Variants in EBF2 observed in about 807,000 individuals in gnomAD.
EBF2 encodes the protein transcription factor COE2.
In EBF2, 21 loss-of-function variants were observed where a neutral mutation model predicts 72.8. The ratio of observed to expected loss-of-function variants is 0.29; its 90% CI spans 0.20 to 0.42. EBF2 has a LOEUF of 0.42. Among genes scored for constraint, EBF2 ranks in the 10% least tolerant of loss-of-function variants. The pLI is 1.00. For missense variants in EBF2, 637 were observed against 731.2 expected (o/e 0.87, Z 1.49); for synonymous variants, 299 against 274.2 (o/e 1.09, Z -0.89).
At chr8:25,896,277 C>A (rs1459169156) in intron 7 of EBF2, among the ~76,000 whole-genome samples, 10 of 152,196 alleles carry the variant, frequency 6.6e-5, no homozygotes, top group Non-Finnish European at 1.0e-4. Flanking sequence ...CAAGTTCTAC[C>A]ATTAGTCAGA....
At chr8:25,909,432 C>T (rs979630158) in intron 6 of EBF2, among the ~76,000 whole-genome samples, 3 of 150,190 alleles carry the variant, frequency 2.0e-5, no homozygotes, top group Non-Finnish European at 4.4e-5. Context: ...CCAGCTTTTG[C>T]AGTGTTAAAG....
chr8:25,935,244 G>A (rs1803556908), intron 6 of EBF2, among the ~76,000 whole-genome samples: 2 of 151,824 alleles, frequency 1.3e-5, no homozygotes, highest in African/African-American at 4.8e-5. Context: ...AGGATGGAGA[G>A]GGAGGTGGGA....
At chr8:26,014,392 T>C (rs1175494333) in intron 6 of EBF2, among the ~76,000 whole-genome samples, 1 of 152,146 alleles carries the variant, frequency 6.6e-6, no homozygotes, top group Non-Finnish European at 1.5e-5. Flanking sequence ...ATTATTTTGG[T>C]GGAGACTTTT....
At chr8:25,877,104 G>A (rs919642772) in intron 10 of EBF2, among the ~76,000 whole-genome samples, 1 of 152,130 alleles carries the variant, frequency 6.6e-6, no homozygotes, top group Non-Finnish European at 1.5e-5. Context: ...TGGATTCTGT[G>A]GTTGGTGCAG....
chr8:25,921,545 A>T (rs1803305917), intron 6 of EBF2, among the ~76,000 whole-genome samples: 2 of 152,226 alleles, frequency 1.3e-5, no homozygotes, highest in Non-Finnish European at 1.5e-5. Flanking sequence ...TTTGTCATTC[A>T]AACTTTATTG....
chr8:26,007,495 T>C (rs1274428828), intron 6 of EBF2, among the ~76,000 whole-genome samples: 1 of 152,134 alleles, frequency 6.6e-6, no homozygotes, highest in Non-Finnish European at 1.5e-5. Context: ...CCAGGGTCCA[T>C]ATGTAAAACA....
intron 6 of EBF2, among the ~76,000 whole-genome samples, chr8:25,952,292 T>C (rs1354878006): frequency 2.0e-5 from 3 of 152,228 alleles, no homozygotes; most frequent in Non-Finnish European, 4.4e-5. Context: ...AAGACTCTAG[T>C]ATGTTCACAT....
intron 6 of EBF2, among the ~76,000 whole-genome samples, chr8:25,954,461 C>T (rs1803912239): frequency 6.6e-6 from 1 of 152,172 alleles, no homozygotes; most frequent in Admixed American, 6.5e-5. Flanking sequence ...AGCACAGGTC[C>T]AAAGAGAAAG....
chr8:26,026,325 A>C (rs1033109412), intron 6 of EBF2, among the ~76,000 whole-genome samples: 1 of 152,214 alleles, frequency 6.6e-6, no homozygotes, highest in African/African-American at 2.4e-5. Flanking sequence ...GGGATGAATT[A>C]GCATACCTGA....
At chr8:25,952,589 C>T (rs1803881119) in intron 6 of EBF2, among the ~76,000 whole-genome samples, 1 of 152,230 alleles carries the variant, frequency 6.6e-6, no homozygotes, top group South Asian at 2.1e-4. Flanking sequence ...CCTTCTGGCT[C>T]ATGCCCAACC....
intron 6 of EBF2, among the ~76,000 whole-genome samples, chr8:25,976,184 G>C (rs1804265012): frequency 6.6e-6 from 1 of 152,152 alleles, no homozygotes; most frequent in Admixed American, 6.5e-5. Context: ...GAATTAAAAT[G>C]TCTTCATCGC....
chr8:25,933,895 C>T (rs1442197934), intron 6 of EBF2, among the ~76,000 whole-genome samples: 1 of 152,110 alleles, frequency 6.6e-6, no homozygotes, highest in Non-Finnish European at 1.5e-5. Context: ...CGGTAAGTTA[C>T]TGGGCCATTT....
At chr8:25,929,973 G>A (rs1419579976) in intron 6 of EBF2, among the ~76,000 whole-genome samples, 1 of 152,168 alleles carries the variant, frequency 6.6e-6, no homozygotes, top group Non-Finnish European at 1.5e-5. Flanking sequence ...GGAGCCGAAT[G>A]GAGAACAAAA....
At chr8:25,942,826 T>C (rs1001708879) in intron 6 of EBF2, among the ~76,000 whole-genome samples, 2 of 152,164 alleles carry the variant, frequency 1.3e-5, no homozygotes, top group Admixed American at 6.5e-5. Flanking sequence ...CTTGGCACCA[T>C]AGAGCTTAAT....
chr8:25,855,566 C>A (rs1802072572), intron 14 of EBF2, among the ~76,000 whole-genome samples: 2 of 152,106 alleles, frequency 1.3e-5, no homozygotes, highest in African/African-American at 4.8e-5. Flanking sequence ...CATGGTCCAG[C>A]CACATCAGAT....
At chr8:25,859,432 CA>C (rs1802168945) in intron 13 of EBF2, among the ~76,000 whole-genome samples, 1 of 152,092 alleles carries the variant, frequency 6.6e-6, no homozygotes, top group South Asian at 2.1e-4. Context: ...CAATTTCATT[CA>C]AAAAGTGTGG....
chr8:25,870,050 C>T (rs1802406623), intron 10 of EBF2, among the ~76,000 whole-genome samples: 1 of 152,200 alleles, frequency 6.6e-6, no homozygotes, highest in South Asian at 2.1e-4. Context: ...GATGCAAGAG[C>T]ATGATGGGCA....
chr8:25,938,859 C>T (rs1402988262), intron 6 of EBF2, among the ~76,000 whole-genome samples: 1 of 151,986 alleles, frequency 6.6e-6, no homozygotes, highest in Non-Finnish European at 1.5e-5. Context: ...CCTAAGTCAC[C>T]TGCACACCTC....
chr8:25,951,216 T>G (rs1323832523), intron 6 of EBF2, among the ~76,000 whole-genome samples: 1 of 152,188 alleles, frequency 6.6e-6, no homozygotes, highest in Non-Finnish European at 1.5e-5. Context: ...TCATGTATTA[T>G]TTTTGCAAAT....
Sources: gnomAD v4.1 joint callset for allele counts (sites outside exome capture counted in the v4.1 genomes callset) on GRCh38, gnomAD v4.1.1 for gene constraint, MANE v1.5 for transcripts, NCBI Gene and HGNC (gene_info 2026-07-23, HGNC 2026-07-21) for gene names.